Variants in ERG observed in about 807,000 individuals in gnomAD.
ERG encodes transcriptional regulator ERG.
A neutral mutation model predicts 55.3 loss-of-function variants in ERG; 9 were observed. The observed-to-expected ratio is 0.16, with a 90% CI of 0.10 to 0.28. The LOEUF (loss-of-function observed/expected upper bound fraction) is 0.28. Ranked by LOEUF, ERG falls within the 10% of genes least tolerant of loss-of-function variation. The pLI is 1.00. For missense variants in ERG, 434 were observed against 631.6 expected, an observed-to-expected ratio of 0.69 and a Z score of 3.35; for synonymous variants, 223 against 237.3, an observed-to-expected ratio of 0.94 and a Z score of 0.55.
rs375928121 is a variant in ERG, at chr21:38,649,425, C to T, written c.-150+12233G>A. 9.8e-5 allele frequency among the ~76,000 whole-genome samples: 15 copies of T among 152,294 alleles called. No homozygotes were observed. The East Asian group carries it at 2.7e-3, about 28-fold the overall frequency. ...ATGGCCAGTCAAACGTTCTGGTTAC[C>T]GGGGATGACACGCTTTTTCCGACAA... On this transcript the variant is annotated intron_variant, in intron 1 of 10. Coordinates refer to the ERG transcript ENST00000398910.
At position 38,445,496 on chromosome 21, in the gene ERG, G is replaced by A. The variant is rs755222093; in HGVS notation, c.144C>T (p.Ser48=). ...GCCAATCCTGCTGAGGGACGCGTGG[G>A]CTCATCTTGGAAGTCTGTCCATAGT... The part of the protein sequence containing the change: ...SSDYGQTSKM[S]PRVPQQDWLS... Residue 48 remains serine, a synonymous_variant, in exon 2 of 10, where the codon AGC becomes AGT. Coordinates refer to ENST00000288319, the MANE Select transcript of ERG (RefSeq NM_182918.4). 2.3e-5 allele frequency: 37 copies of A among 1,614,002 alleles called. No homozygotes were observed. In the East Asian group the frequency reaches 8.0e-4, roughly 35 times the overall value.
rs118178237 is a variant in ERG at position 38,398,463 on chromosome 21, G to A, written c.745+2111C>T. Reference sequence around the variant, plus strand: ...GCAGTGGTCAAAACAGGTTATTTCAGGTACAAACTGAGTCGCGAAAACATA... The same window carrying A: ...GCAGTGGTCAAAACAGGTTATTTCAAGTACAAACTGAGTCGCGAAAACATA... On this transcript the variant is annotated intron_variant, in intron 6 of 9. Transcript: ENST00000288319. Among the ~76,000 whole-genome samples the A allele has an allele frequency of 4.9e-3, 747 of 152,274 alleles. 3 individuals carry two copies. The highest frequency in any genetic ancestry group is 8.3e-3 in the Non-Finnish European group (564 of 68,018).
chr21:38,532,827 A>G (rs1382517039), intron 2 of ERG, among the ~76,000 whole-genome samples: 2 of 152,208 alleles, frequency 1.3e-5, no homozygotes, highest in African/African-American at 2.4e-5. Context: ...TTATACGTGA[A>G]GTGGACTCAA....
intron 1 of ERG, among the ~76,000 whole-genome samples, chr21:38,458,908 C>T (rs1247401084): frequency 1.3e-5 from 2 of 152,196 alleles, no homozygotes; most frequent in East Asian, 1.9e-4. Flanking sequence ...AACATTCACT[C>T]CCAGCTGGTC....
chr21:38,410,931 A>G (rs1989018811), intron 3 of ERG, among the ~76,000 whole-genome samples: 1 of 152,266 alleles, frequency 6.6e-6, no homozygotes, highest in Non-Finnish European at 1.5e-5. Context: ...AAAACATCAA[A>G]AAATAAAAAC....
upstream of ERG, among the ~76,000 whole-genome samples, chr21:38,587,455 T>C (rs950795372): frequency 5.3e-5 from 8 of 151,730 alleles, no homozygotes; most frequent in Admixed American, 5.3e-4. Context: ...GCCTCCCAGG[T>C]TCACACCATT....
At chr21:38,373,433 A>G in the ERG span, among the ~76,000 whole-genome samples, 2 of 152,236 alleles carry the variant, frequency 1.3e-5, no homozygotes, top group Non-Finnish European at 2.9e-5. Context: ...TAATGCCTAC[A>G]ATAGGCATAT....
chr21:38,627,826 G>A (rs77537297), intron 1 of ERG, among the ~76,000 whole-genome samples: 394 of 152,296 alleles, frequency 2.6e-3, no homozygotes, highest in African/African-American at 8.9e-3. Flanking sequence ...AGAAAGGGAT[G>A]TGGTAATTTT....
At chr21:38,403,163 G>A (rs1476281205) in intron 4 of ERG, among the ~76,000 whole-genome samples, 3 of 152,166 alleles carry the variant, frequency 2.0e-5, no homozygotes, top group East Asian at 1.9e-4. Flanking sequence ...ATTCTATTTC[G>A]ATTCGGGGTA....
intron 2 of ERG, among the ~76,000 whole-genome samples, chr21:38,503,942 T>G (rs1357638432): frequency 6.6e-6 from 1 of 152,102 alleles, no homozygotes; most frequent in Non-Finnish European, 1.5e-5. Flanking sequence ...GTTTTTCTGT[T>G]CACAGCATAC....
At chr21:38,569,797 T>C (rs1384995960) in intron 2 of ERG, among the ~76,000 whole-genome samples, 1 of 152,186 alleles carries the variant, frequency 6.6e-6, no homozygotes, top group Non-Finnish European at 1.5e-5. Context: ...CTCTGAATAA[T>C]ATGCTTTTTA....
intron 1 of ERG, among the ~76,000 whole-genome samples, chr21:38,591,876 A>G (rs2066465880): frequency 6.6e-6 from 1 of 152,236 alleles, no homozygotes; most frequent in Admixed American, 6.5e-5. Flanking sequence ...ACCAATGAAA[A>G]GAAGGTTTAT....
At chr21:38,396,188 T>C (rs181011456) in intron 6 of ERG, among the ~76,000 whole-genome samples, 9 of 152,326 alleles carry the variant, frequency 5.9e-5, no homozygotes, top group African/African-American at 2.2e-4. Flanking sequence ...AAAGTTTGAG[T>C]CAACCTTAAC....
At chr21:38,488,628 T>C (rs2059308684) in intron 1 of ERG, among the ~76,000 whole-genome samples, 1 of 152,214 alleles carries the variant, frequency 6.6e-6, no homozygotes. Flanking sequence ...TGTGAGCTGA[T>C]ATTTTTTGTA....
At chr21:38,618,081 G>T (rs1288812908) in intron 1 of ERG, among the ~76,000 whole-genome samples, 4 of 152,212 alleles carry the variant, frequency 2.6e-5, no homozygotes, top group Non-Finnish European at 2.9e-5. Flanking sequence ...CAATGGGAAT[G>T]GGGAGAGCAG....
At chr21:38,537,745 C>T (rs1043799153) in intron 2 of ERG, among the ~76,000 whole-genome samples, 2 of 152,058 alleles carry the variant, frequency 1.3e-5, no homozygotes, top group Non-Finnish European at 2.9e-5. Context: ...GGGAAAGTCA[C>T]TATAAAAAAC....
chr21:38,583,121 G>A (rs530808446), intron 1 of ERG, among the ~76,000 whole-genome samples: 1 of 152,358 alleles, frequency 6.6e-6, no homozygotes, highest in South Asian at 2.1e-4. Flanking sequence ...TTCCTTGAAA[G>A]CATTGGTCGC....
intron 3 of ERG, among the ~76,000 whole-genome samples, chr21:38,418,798 G>C (rs1055960096): frequency 4.6e-5 from 7 of 151,344 alleles, no homozygotes; most frequent in Non-Finnish European, 1.0e-4. Context: ...GTGGTGGCGG[G>C]CGCCTGTAAT....
At chr21:38,464,717 C>T (rs117462260) in intron 1 of ERG, among the ~76,000 whole-genome samples, 2 of 151,734 alleles carry the variant, frequency 1.3e-5, no homozygotes, top group African/African-American at 4.8e-5. Flanking sequence ...CCTCACCTAC[C>T]CTCCTACCCC....
Sources: gnomAD v4.1 joint callset for allele counts (sites outside exome capture counted in the v4.1 genomes callset) on GRCh38, gnomAD v4.1.1 for gene constraint, MANE v1.5 for transcripts, NCBI Gene and HGNC (gene_info 2026-07-23, HGNC 2026-07-21) for gene names.